Variants in MRE11 observed in about 807,000 individuals in gnomAD.
MRE11 encodes double-strand break repair protein MRE11.
Under a neutral mutation model 91.7 loss-of-function variants are expected in MRE11, and 62 were observed. That is an observed-to-expected ratio of 0.68 (90% confidence interval 0.55 to 0.84). The LOEUF (loss-of-function observed/expected upper bound fraction) is 0.84, where lower values mean the gene tolerates loss of function less well. MRE11 is among the 40% of genes least tolerant of loss of function. The probability of loss-of-function intolerance (pLI) is 0.00; values close to 1 mark genes in which losing one functional copy is unlikely to be tolerated. For synonymous variants in MRE11, 273 were observed against 271.4 expected, an observed-to-expected ratio of 1.01 and a Z score of -0.06; for missense variants, 796 against 852.9, an observed-to-expected ratio of 0.93 and a Z score of 0.83.
intron 16 of MRE11, among the ~76,000 whole-genome samples, chr11:94,439,494 ATAT>A (rs1429002374): frequency 6.6e-6 from 1 of 152,214 alleles, no homozygotes; most frequent in Non-Finnish European, 1.5e-5. Flanking sequence ...ACTACCACTA[ATAT>A]TAATAACAGC....
chr11:94,503,718 C>T, the MRE11 span, among the ~76,000 whole-genome samples: 3 of 142,142 alleles, frequency 2.1e-5, no homozygotes, highest in East Asian at 2.1e-4. Flanking sequence ...AGAAAGAAAA[C>T]GTTAAAATCG....
intron 7 of MRE11, among the ~76,000 whole-genome samples, chr11:94,472,219 A>C (rs12708332): frequency 0.033 from 5,067 of 152,092 alleles, 197 homozygotes; most frequent in African/African-American, 0.09. Context: ...CATCAATCTC[A>C]CATAAGTGCT....
intron 13 of MRE11, among the ~76,000 whole-genome samples, chr11:94,458,688 G>A (rs1946329187): frequency 6.6e-6 from 1 of 152,058 alleles, no homozygotes; most frequent in Non-Finnish European, 1.5e-5. Context: ...ACTACTACCA[G>A]CAGTGTGCTA....
chr11:94,461,560 C>A (rs1946415245), intron 11 of MRE11, among the ~76,000 whole-genome samples: 1 of 152,154 alleles, frequency 6.6e-6, no homozygotes, highest in Non-Finnish European at 1.5e-5. Flanking sequence ...AAAACTGGCA[C>A]AAGACAGGGA....
rs2135091820 is a variant in MRE11 at position 94,479,754 on chromosome 11, A to G, written c.322T>C (p.Trp108Arg). The change falls in exon 5 of 20, where the codon TGG (tryptophan) becomes CGG (arginine). Residue 108 changes from tryptophan (W) to arginine (R), a missense_variant. Trp to Arg is a moderately radical substitution (Grantham distance 101). Coordinates refer to ENST00000323929, the MANE Select transcript of MRE11 (RefSeq NM_005591.4). ...AGGTTGCCATCTTGATAGTTCACCC[A>G]TGGAAACCTTAAAAAAAAAAAGTTA... ...SVNFGFSKFP[W>R]VNYQDGNLNI... 1 of 1,611,320 alleles carries G rather than the reference A, an allele frequency of 6.2e-7. No individual in the cohort carries two copies. Among genetic ancestry groups the G allele is most frequent in the Non-Finnish European group, 8.5e-7 (1 of 1,179,434 alleles).
chr11:94,467,008 A>G (rs976166680), intron 10 of MRE11, among the ~76,000 whole-genome samples: 2 of 152,254 alleles, frequency 1.3e-5, no homozygotes, highest in Admixed American at 6.5e-5. Context: ...AGAATGCCCA[A>G]GAGTAATTCA....
At chr11:94,426,241 G>A (rs1207089852) in intron 19 of MRE11, among the ~76,000 whole-genome samples, 1 of 151,966 alleles carries the variant, frequency 6.6e-6, no homozygotes, top group African/African-American at 2.4e-5. Context: ...GGTCAATAAT[G>A]AAATTAAGGC....
In MRE11 at chr11:94,417,960, A is replaced by G. The variant is rs529420263; in HGVS notation, c.*2165T>C. On this transcript the variant is annotated 3_prime_UTR_variant, in exon 20 of 20. Transcript: ENST00000323929. ...CCAGAAAGACACTTATTCTTTGGTAAGTAACAGAAGAATTCCCTACAGATG... is the reference window on the plus strand; with the variant it reads ...CCAGAAAGACACTTATTCTTTGGTAGGTAACAGAAGAATTCCCTACAGATG... 1 of 233,122 alleles carries G rather than the reference A, an allele frequency of 4.3e-6. No homozygotes were observed. Among genetic ancestry groups the G allele is most frequent in the African/African-American group, 2.2e-5 (1 of 45,466 alleles). 14.4% of individuals were successfully genotyped at this position (233,122 alleles called of 1,614,324 possible).
intron 14 of MRE11, among the ~76,000 whole-genome samples, chr11:94,447,682 A>G (rs1945977122): frequency 6.6e-6 from 1 of 150,790 alleles, no homozygotes; most frequent in Non-Finnish European, 1.5e-5. Context: ...AAAAAAAAAA[A>G]AAAAAAATTA....
At chr11:94,487,652 T>C (rs1326310613) in intron 3 of MRE11, among the ~76,000 whole-genome samples, 1 of 152,228 alleles carries the variant, frequency 6.6e-6, no homozygotes, top group Admixed American at 6.5e-5. Flanking sequence ...CTTAACATTA[T>C]ATAATAGCAC....
Position 94,419,990 on chromosome 11 carries a change from T to C in MRE11, c.*135A>G. ...CAAGGTGAATCAATGCTATTGTATG[T>C]CTGTGAACTAGAAATTTCTTACTTA... On this transcript the variant is annotated 3_prime_UTR_variant, in exon 20 of 20. Transcript: ENST00000323929. 4.5e-6 allele frequency: 3 copies of C among 664,234 alleles called. No individual in the cohort carries two copies. The highest frequency in any genetic ancestry group is 7.6e-6 in the Non-Finnish European group (3 of 394,754). The allele number at this position is 664,234 out of a possible 1,614,324, so 41.1% of individuals were successfully genotyped here. A position where few individuals can be genotyped will look rare whatever the true frequency, so the allele number is the denominator to read the frequency against.
chr11:94,502,443 C>T, the MRE11 span, among the ~76,000 whole-genome samples: 2 of 152,080 alleles, frequency 1.3e-5, no homozygotes, highest in Non-Finnish European at 2.9e-5. Flanking sequence ...TCATAATAAC[C>T]AAAATTCCAT....
chr11:94,424,868 C>T (rs11020780), intron 19 of MRE11, among the ~76,000 whole-genome samples: 22,789 of 151,870 alleles, frequency 0.15, 2,089 homozygotes, highest in African/African-American at 0.25. Flanking sequence ...GAGGCAAAAC[C>T]TATGACTCAT....
chr11:94,445,638 T>C (rs1276649558), intron 16 of MRE11, 172 bp downstream of exon 16: 5 of 609,104 alleles, frequency 8.2e-6, no homozygotes, highest in Non-Finnish European at 1.5e-5. Context: ...GCTTACCCTC[T>C]TCAGTAACTC....
rs1253158974 is a variant in MRE11, at chr11:94,419,459, G to GGGGAGA, written c.*665_*666insTCTCCC. On this transcript the variant is annotated 3_prime_UTR_variant, in exon 20 of 20. Coordinates refer to ENST00000323929, the MANE Select transcript of MRE11 (RefSeq NM_005591.4). The stretch of plus-strand genomic sequence containing the variant: ...AGAAAGGAAGAGTGGGGAACGGGGG[G>GGGGAGA]GAGAGGGAGAGAGAGAGAGAGAGAG... 73 of 183,622 alleles carry GGGGAGA rather than the reference G, an allele frequency of 4.0e-4. No homozygotes were observed. The highest frequency in any genetic ancestry group is 1.8e-3 in the African/African-American group (60 of 33,496). The allele number at this position is 183,622 out of a possible 1,614,324, so 11.4% of individuals were successfully genotyped here.
At chr11:94,502,885 G>C in the MRE11 span, among the ~76,000 whole-genome samples, 1 of 152,064 alleles carries the variant, frequency 6.6e-6, no homozygotes, top group African/African-American at 2.4e-5. Flanking sequence ...ATGTTGGCCA[G>C]GCTGGTCTCA....
intron 11 of MRE11, among the ~76,000 whole-genome samples, chr11:94,462,810 C>G (rs979188512): frequency 6.6e-6 from 1 of 152,162 alleles, no homozygotes; most frequent in Admixed American, 6.5e-5. Flanking sequence ...AATGTTACAC[C>G]TAAAACCACA....
At chr11:94,477,223 T>C (rs560011416) in intron 6 of MRE11, among the ~76,000 whole-genome samples, 148 of 152,182 alleles carry the variant, frequency 9.7e-4, no homozygotes, top group Non-Finnish European at 1.9e-3. Flanking sequence ...ATATACATTA[T>C]AACATGTGCA....
In MRE11 at chr11:94,464,222, A is replaced by T. The variant is rs757816554; in HGVS notation, c.1116T>A (p.Gly372=). The T allele has an allele frequency of 1.2e-6, 2 of 1,613,852 alleles. No homozygotes were observed. Among genetic ancestry groups the T allele is most frequent in the Non-Finnish European group, 1.7e-6 (2 of 1,179,900 alleles). ...LVRLRVDYSG[G]FEPFSVLRFS... is the part of the protein sequence containing the mutation. ...AGCGAAGAACACTGAAAGGTTCAAA[A>T]CCTCCACTATAGTCCACCTGAAAAC... Residue 372 remains glycine (G), a synonymous_variant, in exon 11 of 20, where the codon GGT becomes GGA. Transcript: ENST00000323929.
Sources: allele counts gnomAD v4.1 joint callset (sites outside exome capture counted in the v4.1 genomes callset), GRCh38; gene constraint gnomAD v4.1.1; transcripts MANE v1.5; gene names NCBI Gene and HGNC (gene_info 2026-07-23, HGNC 2026-07-21).